Variants in LEF1 observed in about 807,000 individuals in gnomAD.
LEF1 encodes the protein lymphoid enhancer-binding factor 1.
In LEF1, 14 loss-of-function variants were observed where a neutral mutation model predicts 51.2. The ratio of observed to expected loss-of-function variants is 0.27; its 90% CI spans 0.18 to 0.43. LEF1 has a LOEUF of 0.43. Ranked by LOEUF, LEF1 falls within the 20% of genes least tolerant of loss-of-function variation. The pLI, the probability that LEF1 is intolerant of heterozygous loss-of-function variation, is 1.00. For synonymous variants in LEF1, 185 were observed against 183.2 expected (o/e 1.01, Z -0.08); for missense variants, 386 against 512.0 (o/e 0.75, Z 2.37).
intron 4 of LEF1, among the ~76,000 whole-genome samples, chr4:108,088,303 C>T (rs917852304): frequency 3.9e-5 from 6 of 152,176 alleles, no homozygotes; most frequent in African/African-American, 1.4e-4. Context: ...TACCCCTTTA[C>T]GTTCTCTGCC....
At chr4:108,159,683 T>C (rs1431339004) in intron 3 of LEF1, among the ~76,000 whole-genome samples, 1 of 152,198 alleles carries the variant, frequency 6.6e-6, no homozygotes, top group East Asian at 1.9e-4. Context: ...TATAAGCAAG[T>C]ACAAATATGC....
rs991186188 is a variant in LEF1 at position 108,140,377 on chromosome 4, T to C, written c.414+23191A>G. On this transcript the variant is annotated intron_variant, in intron 3 of 11. Transcript: ENST00000265165. ...CTCTGCACTTGTCCTCCGTGTTTCC[T>C]TGGCATATCTGCTCCTTTCCTCTAT... is the stretch of plus-strand genomic sequence containing the variant. Among the ~76,000 whole-genome samples the C allele has an allele frequency of 4.6e-5, 7 of 152,364 alleles. No individual in the cohort carries two copies. In the East Asian group the frequency reaches 1.3e-3, roughly 29 times the overall value.
chr4:108,099,512 GTGTATGTATATATATATATATA>G (rs1740609468), intron 3 of LEF1, among the ~76,000 whole-genome samples: 1 of 98,172 alleles, frequency 1.0e-5, no homozygotes, highest in Non-Finnish European at 2.3e-5. Flanking sequence ...ATATATATAT[GTGTATGTATATATATATATATA>G]TGTGTATATG....
At chr4:108,166,677 G>C (rs1030254377) in intron 1 of LEF1, 10 of 999,848 alleles carry the variant, frequency 1.0e-5, no homozygotes, top group South Asian at 9.1e-5. Flanking sequence ...CGCCCGCAGC[G>C]GGCCAGAAGA....
intron 3 of LEF1, among the ~76,000 whole-genome samples, chr4:108,099,038 G>A (rs1740575081): frequency 6.6e-6 from 1 of 152,132 alleles, no homozygotes; most frequent in South Asian, 2.1e-4. Context: ...GTTGAGACAT[G>A]CCATAAGTGT....
chr4:108,124,899 C>T (rs904919653), intron 3 of LEF1, among the ~76,000 whole-genome samples: 2 of 152,158 alleles, frequency 1.3e-5, no homozygotes, highest in African/African-American at 4.8e-5. Flanking sequence ...TAGGTTTGTT[C>T]CATACACTTG....
chr4:108,119,660 G>A (rs531646679), intron 3 of LEF1, among the ~76,000 whole-genome samples: 1 of 152,228 alleles, frequency 6.6e-6, no homozygotes, highest in African/African-American at 2.4e-5. Context: ...CATCACGATA[G>A]CCTTCATTAC....
intron 3 of LEF1, among the ~76,000 whole-genome samples, chr4:108,110,107 G>A (rs777106885): frequency 6.6e-6 from 1 of 152,170 alleles, no homozygotes; most frequent in Non-Finnish European, 1.5e-5. Flanking sequence ...CCAGTAGGAG[G>A]GGAGATGCAG....
At chr4:108,141,079 T>C (rs562995560) in intron 3 of LEF1, among the ~76,000 whole-genome samples, 1 of 152,362 alleles carries the variant, frequency 6.6e-6, no homozygotes, top group African/African-American at 2.4e-5. Context: ...TTTCAGAGTT[T>C]GGTGTTAGCA....
Position 108,163,664 on chromosome 4 carries a change from G to C in LEF1, c.318C>G (p.Pro106=), listed in dbSNP as rs760094835. The change falls in exon 3 of 12, where the codon CCC becomes CCG. Residue 106 remains proline, a synonymous_variant. Transcript: ENST00000265165. The part of the protein sequence containing the change: ...HPDGGLYNKG[P]SYSSYSGYIM... ...TGTACCCGGAATAACTCGAGTAGGA[G>C]GGTCCCTTGTTGTAGAGGCCTCCAT... 6.2e-7 allele frequency: 1 copy of C among 1,613,844 alleles called. No homozygotes were observed. Among genetic ancestry groups the C allele is most frequent in the South Asian group, 1.1e-5 (1 of 91,052 alleles).
intron 3 of LEF1, among the ~76,000 whole-genome samples, chr4:108,125,362 C>T (rs1742460235): frequency 1.3e-5 from 2 of 152,104 alleles, no homozygotes; most frequent in African/African-American, 4.8e-5. Flanking sequence ...GGGGTTTTGC[C>T]ATGTTGGCCA....
At chr4:108,134,038 A>T (rs1242583877) in intron 3 of LEF1, among the ~76,000 whole-genome samples, 1 of 152,144 alleles carries the variant, frequency 6.6e-6, no homozygotes, top group Non-Finnish European at 1.5e-5. Flanking sequence ...GGGTCCAGGG[A>T]AGCACTCCAT....
At chr4:108,091,895 T>C (rs1272320034) in intron 3 of LEF1, among the ~76,000 whole-genome samples, 2 of 152,198 alleles carry the variant, frequency 1.3e-5, no homozygotes, top group Non-Finnish European at 2.9e-5. Context: ...AATAATGGCT[T>C]TCAGTTTCAT....
rs1224639194 is a variant in LEF1, at chr4:108,081,576, C to T, written c.722+10G>A. ...TGTCCTCGAGCGCCCCAGTTTCCACCTCCACCTACCTGGACATGGAAGTGT... is the reference window on the plus strand; with the variant it reads ...TGTCCTCGAGCGCCCCAGTTTCCACTTCCACCTACCTGGACATGGAAGTGT... On this transcript the variant is annotated intron_variant, in intron 6 of 11. Transcript: ENST00000265165. 5 of 1,611,800 alleles carry T rather than the reference C, an allele frequency of 3.1e-6. No individual in the cohort carries two copies. Among genetic ancestry groups the T allele is most frequent in the Non-Finnish European group, 4.2e-6 (5 of 1,178,000 alleles).
At chr4:108,142,627 C>T (rs1022600109) in intron 3 of LEF1, among the ~76,000 whole-genome samples, 19 of 152,232 alleles carry the variant, frequency 1.2e-4, no homozygotes, top group African/African-American at 2.6e-4. Context: ...GCAAGCAGGG[C>T]GACCATAAAT....
At chr4:108,112,005 A>G (rs960894383) in intron 3 of LEF1, among the ~76,000 whole-genome samples, 3 of 152,200 alleles carry the variant, frequency 2.0e-5, no homozygotes, top group Non-Finnish European at 4.4e-5. Flanking sequence ...CTCATCTGTG[A>G]AATCGACCCT....
intron 3 of LEF1, among the ~76,000 whole-genome samples, chr4:108,095,401 A>G (rs983293086): frequency 1.1e-4 from 16 of 152,176 alleles, no homozygotes; most frequent in African/African-American, 3.9e-4. Context: ...TTTTGAACAC[A>G]GAGCTAAGTA....
At chr4:108,150,864 A>G (rs1744322688) in intron 3 of LEF1, among the ~76,000 whole-genome samples, 1 of 152,246 alleles carries the variant, frequency 6.6e-6, no homozygotes, top group African/African-American at 2.4e-5. Flanking sequence ...ACATGCTAGT[A>G]TATTATTAAT....
chr4:108,082,939 T>G (rs1739406907), intron 5 of LEF1, among the ~76,000 whole-genome samples: 1 of 152,238 alleles, frequency 6.6e-6, no homozygotes, highest in Non-Finnish European at 1.5e-5. Flanking sequence ...GTTATTTTTG[T>G]CATTTACCTC....
Sources: allele counts gnomAD v4.1 joint callset (sites outside exome capture counted in the v4.1 genomes callset), GRCh38; gene constraint gnomAD v4.1.1; transcripts MANE v1.5; gene names NCBI Gene and HGNC (gene_info 2026-07-23, HGNC 2026-07-21).